The following EYA1 variants were observed in gnomAD, a reference collection of about 807,000 sequenced individuals.
EYA1 encodes protein phosphatase EYA1.
A neutral mutation model predicts 82.0 loss-of-function variants in EYA1; 16 were observed. The ratio of observed to expected loss-of-function variants is 0.20; its 90% CI spans 0.13 to 0.30. The LOEUF (loss-of-function observed/expected upper bound fraction) is 0.30, where lower values mean the gene tolerates loss of function less well. Ranked by LOEUF, EYA1 falls within the 10% of genes least tolerant of loss-of-function variation. EYA1 has a pLI of 1.00. For missense variants in EYA1, 633 were observed against 730.7 expected, an observed-to-expected ratio of 0.87 and a Z score of 1.54; for synonymous variants, 261 against 264.4, an observed-to-expected ratio of 0.99 and a Z score of 0.12.
At chr8:71,244,928 C>A (rs1563683910) in intron 11 of EYA1, among the ~76,000 whole-genome samples, 2 of 152,180 alleles carry the variant, frequency 1.3e-5, no homozygotes, top group Non-Finnish European at 2.9e-5. Context: ...GAAGAAAAAA[C>A]TCTTTCTTTA....
intron 1 of EYA1, among the ~76,000 whole-genome samples, chr8:71,537,485 T>C (rs549250034): frequency 6.6e-6 from 1 of 152,228 alleles, no homozygotes; most frequent in Non-Finnish European, 1.5e-5. Context: ...AGGAGGCACA[T>C]TAACTGTTCC....
At chr8:71,506,898 C>T (rs1405753345) in intron 2 of EYA1, among the ~76,000 whole-genome samples, 8 of 149,220 alleles carry the variant, frequency 5.4e-5, no homozygotes, top group Admixed American at 4.7e-4. Flanking sequence ...CAACAGACTG[C>T]AAAGATACTA....
At chr8:71,205,171 G>A (rs751325131) in intron 17 of EYA1, among the ~76,000 whole-genome samples, 1 of 151,972 alleles carries the variant, frequency 6.6e-6, no homozygotes, top group Non-Finnish European at 1.5e-5. Flanking sequence ...ATTTAATGAC[G>A]CCTTTCTCAC....
chr8:71,396,494 T>C (rs908144641), intron 2 of EYA1, among the ~76,000 whole-genome samples: 10 of 152,214 alleles, frequency 6.6e-5, no homozygotes, highest in Non-Finnish European at 2.9e-5. Context: ...ATGTTGTGTC[T>C]TTGTTCTCAT....
chr8:71,328,967 T>C (rs1823488500), intron 4 of EYA1, among the ~76,000 whole-genome samples: 1 of 152,190 alleles, frequency 6.6e-6, no homozygotes, highest in Non-Finnish European at 1.5e-5. Flanking sequence ...TCCTGTATGC[T>C]TGATGCCATG....
At chr8:71,427,401 A>G (rs1321101465) in intron 2 of EYA1, among the ~76,000 whole-genome samples, 1 of 152,218 alleles carries the variant, frequency 6.6e-6, no homozygotes, top group Non-Finnish European at 1.5e-5. Flanking sequence ...ACAAGAGAGA[A>G]TAAATGTCCC....
Position 71,362,021 on chromosome 8 carries a change from C to A in EYA1, c.-429G>T. On this transcript the variant is annotated 5_prime_UTR_variant, in exon 1 of 18. Coordinates refer to ENST00000340726, the MANE Select transcript of EYA1 (RefSeq NM_000503.6). ...ACCGTTCTGTTTGGTAACAGCTTTG[C>A]GCCCAGCGCTCCTTCCCCACCAAAC... The A allele has an allele frequency of 2.0e-6, 2 of 985,486 alleles. No homozygotes were observed. Among genetic ancestry groups the A allele is most frequent in the Non-Finnish European group, 2.4e-6 (2 of 829,980 alleles). 61.0% of individuals were successfully genotyped at this position (985,486 alleles called of 1,614,324 possible). A position where few individuals can be genotyped will look rare whatever the true frequency, so the allele number is the denominator to read the frequency against.
Position 71,198,005 on chromosome 8 carries a change from G to A in EYA1, c.*1335C>T, listed in dbSNP as rs1806453164. ...TGACAATGGCAATGAACCTTCCTCA[G>A]GGTGACAGGAAGAAAGAGAAAATAC... On this transcript the variant is annotated 3_prime_UTR_variant, in exon 18 of 18. Transcript: ENST00000340726. The A allele has an allele frequency of 6.6e-6, 1 of 152,208 alleles. No individual in the cohort carries two copies. The highest frequency in any genetic ancestry group is 6.5e-5 in the Admixed American group (1 of 15,282). 9.4% of individuals were successfully genotyped at this position (152,208 alleles called of 1,614,324 possible). A position where few individuals can be genotyped will look rare whatever the true frequency, so the allele number is the denominator to read the frequency against.
chr8:71,533,273 T>C (rs941285722), intron 2 of EYA1, among the ~76,000 whole-genome samples: 1 of 152,212 alleles, frequency 6.6e-6, no homozygotes, highest in Admixed American at 6.5e-5. Flanking sequence ...TCCATATACA[T>C]TTTATCTTAA....
At chr8:71,279,117 T>C (rs1817530391) in intron 9 of EYA1, among the ~76,000 whole-genome samples, 1 of 152,188 alleles carries the variant, frequency 6.6e-6, no homozygotes, top group Non-Finnish European at 1.5e-5. Flanking sequence ...GTGCAGAGCT[T>C]TTCATGAAAT....
intron 2 of EYA1, among the ~76,000 whole-genome samples, chr8:71,423,363 C>T (rs1831248802): frequency 6.6e-6 from 1 of 152,168 alleles, no homozygotes; most frequent in East Asian, 1.9e-4. Context: ...TCCCTCATTA[C>T]AATGTAGCTT....
At chr8:71,472,788 G>GAGAGATAT (rs71555582) in intron 2 of EYA1, among the ~76,000 whole-genome samples, 6 of 126,828 alleles carry the variant, frequency 4.7e-5, no homozygotes, top group Non-Finnish European at 9.6e-5. Context: ...TAGCTTTGAA[G>GAGAGATAT]ATATATATAT....
At chr8:71,391,243 A>G (rs1829263859) in intron 2 of EYA1, among the ~76,000 whole-genome samples, 1 of 152,166 alleles carries the variant, frequency 6.6e-6, no homozygotes, top group Admixed American at 6.5e-5. Flanking sequence ...TCAGCCTCCC[A>G]AAGTGCTGGG....
intron 9 of EYA1, among the ~76,000 whole-genome samples, chr8:71,290,609 T>C (rs1345454476): frequency 6.6e-6 from 1 of 152,106 alleles, no homozygotes. Context: ...TTGAAAAAAT[T>C]AGGGAAACCA....
chr8:71,394,960 T>C (rs1274160482), intron 2 of EYA1, among the ~76,000 whole-genome samples: 1 of 152,194 alleles, frequency 6.6e-6, no homozygotes, highest in Non-Finnish European at 1.5e-5. Context: ...TATCCTCTTT[T>C]ATTTCGTTGA....
chr8:71,231,935 C>T (rs1811247278), intron 12 of EYA1, among the ~76,000 whole-genome samples: 1 of 152,228 alleles, frequency 6.6e-6, no homozygotes, highest in Admixed American at 6.5e-5. Context: ...AAAGCCCCAT[C>T]CAGTTATTAG....
chr8:71,473,009 T>A (rs1295971587), intron 2 of EYA1, among the ~76,000 whole-genome samples: 1 of 151,866 alleles, frequency 6.6e-6, no homozygotes, highest in African/African-American at 2.4e-5. Flanking sequence ...ACACTCTCAA[T>A]GTGTTATGAC....
At position 71,304,868 on chromosome 8, in the gene EYA1, A is replaced by T. The variant is rs1198515319; in HGVS notation, c.557-5148T>A. Among the ~76,000 whole-genome samples the T allele has an allele frequency of 1.1e-4, 16 of 142,620 alleles. 2 individuals are homozygous for T. The highest frequency in any genetic ancestry group is 1.1e-3 in the Admixed American group (16 of 14,368). 93.6% of individuals were successfully genotyped at this position (142,620 alleles called of 152,430 possible). A position where few individuals can be genotyped will look rare whatever the true frequency, so the allele number is the denominator to read the frequency against. ...AACACTACCAGATGGATTTCACCGA[A>T]GTTTAGAACGCCACAAAGCAAAGGC... On this transcript the variant is annotated intron_variant, in intron 7 of 17. Coordinates refer to ENST00000340726, the MANE Select transcript of EYA1 (RefSeq NM_000503.6).
At chr8:71,315,325 C>T (rs776773618) in intron 7 of EYA1, among the ~76,000 whole-genome samples, 3 of 152,216 alleles carry the variant, frequency 2.0e-5, no homozygotes, top group Non-Finnish European at 4.4e-5. Flanking sequence ...AGTTTCTGTA[C>T]TTAGCTTTAG....
Sources: allele counts gnomAD v4.1 joint callset (sites outside exome capture counted in the v4.1 genomes callset), GRCh38; gene constraint gnomAD v4.1.1; transcripts MANE v1.5; gene names NCBI Gene and HGNC (gene_info 2026-07-23, HGNC 2026-07-21).